ABLIM1: variants seen among roughly 807,000 people sequenced by gnomAD.
ABLIM1 encodes the protein actin-binding LIM protein 1.
Under a neutral mutation model 107.0 loss-of-function variants are expected in ABLIM1, and 40 were observed. The ratio of observed to expected loss-of-function variants is 0.37; its 90% CI spans 0.29 to 0.49. The LOEUF (loss-of-function observed/expected upper bound fraction) is 0.49. ABLIM1 is among the 20% of genes least tolerant of loss of function. The pLI, the probability that ABLIM1 is intolerant of heterozygous loss-of-function variation, is 0.97. For missense variants in ABLIM1, 857 were observed against 1,008.5 expected (o/e 0.85, Z 2.04); for synonymous variants, 357 against 357.3 (o/e 1.00, Z 0.01).
rs141615313 is a variant in ABLIM1, at chr10:114,563,706, C to T, written c.673+7591G>A. Among the ~76,000 whole-genome samples the T allele has an allele frequency of 6.2e-3, 933 of 150,972 alleles. 12 individuals are homozygous for T. The highest frequency in any genetic ancestry group is 0.021 in the African/African-American group (882 of 41,050). ...ACACGCAAAAAAAAAATTAGCCAGT[C>T]GTGGTGACACATGCCTGTAGTCCTG... is the stretch of plus-strand genomic sequence containing the variant. On this transcript the variant is annotated intron_variant, in intron 4 of 22. Coordinates refer to ENST00000533213, the MANE Select transcript of ABLIM1 (RefSeq NM_002313.7).
At chr10:114,564,732 A>T (rs2070406694) in intron 4 of ABLIM1, among the ~76,000 whole-genome samples, 1 of 152,166 alleles carries the variant, frequency 6.6e-6, no homozygotes, top group African/African-American at 2.4e-5. Flanking sequence ...ACCCTACATG[A>T]CTAGGAACAG....
intron 12 of ABLIM1, among the ~76,000 whole-genome samples, chr10:114,457,612 C>T (rs1291295047): frequency 6.6e-6 from 1 of 152,150 alleles, no homozygotes; most frequent in African/African-American, 2.4e-5. Context: ...CCAACCCTGG[C>T]AGGAAATAAC....
At chr10:114,473,165 T>A (rs775363739) in intron 9 of ABLIM1, 33 bp from the exon 10 acceptor site, 71 of 1,585,498 alleles carry the variant, frequency 4.5e-5, no homozygotes, top group Non-Finnish European at 5.8e-5. Flanking sequence ...ACAATTACCT[T>A]GTAGTCTGAC....
chr10:114,669,034 AC>A (rs755991775), intron 1 of ABLIM1, among the ~76,000 whole-genome samples: 9 of 152,222 alleles, frequency 5.9e-5, no homozygotes, highest in Non-Finnish European at 8.8e-5. Context: ...GCTTTCCCAA[AC>A]ATTTATGAAC....
At chr10:114,605,378 T>A (rs535014093) in intron 1 of ABLIM1, among the ~76,000 whole-genome samples, 1 of 152,342 alleles carries the variant, frequency 6.6e-6, no homozygotes, top group African/African-American at 2.4e-5. Flanking sequence ...ACTCCCCTTA[T>A]CTGCCAACTG....
chr10:114,596,470 A>C (rs892632463), intron 2 of ABLIM1, among the ~76,000 whole-genome samples: 1 of 152,152 alleles, frequency 6.6e-6, no homozygotes, highest in Non-Finnish European at 1.5e-5. Flanking sequence ...GGATCACTTG[A>C]GCTCAGGAGT....
chr10:114,761,983 GCTCTCTCTCT>G (rs144008972), intron 1 of ABLIM1, among the ~76,000 whole-genome samples: 2 of 145,618 alleles, frequency 1.4e-5, no homozygotes, highest in African/African-American at 2.6e-5. Flanking sequence ...TATCCCATAT[GCTCTCTCTCT>G]CTCTCTCTCT....
At chr10:114,485,791 A>G (rs2058101069) in intron 8 of ABLIM1, among the ~76,000 whole-genome samples, 1 of 152,192 alleles carries the variant, frequency 6.6e-6, no homozygotes, top group Non-Finnish European at 1.5e-5. Context: ...AAACATTTTC[A>G]TTTTGCTATG....
intron 4 of ABLIM1, among the ~76,000 whole-genome samples, chr10:114,558,384 A>C (rs557599208): frequency 2.0e-5 from 3 of 152,178 alleles, no homozygotes; most frequent in African/African-American, 7.2e-5. Flanking sequence ...TTGTGGACTT[A>C]ATACCAACTC....
At chr10:114,549,568 A>T (rs534557578) in intron 4 of ABLIM1, among the ~76,000 whole-genome samples, 1 of 152,048 alleles carries the variant, frequency 6.6e-6, no homozygotes, top group South Asian at 2.1e-4. Context: ...GATCTTGGAC[A>T]GTGGGTGTTC....
chr10:114,514,551 A>AT (rs995713856), intron 6 of ABLIM1, among the ~76,000 whole-genome samples: 1 of 151,536 alleles, frequency 6.6e-6, no homozygotes, highest in African/African-American at 2.4e-5. Flanking sequence ...ATTTAAAAAA[A>AT]TTTTTTTTGT....
chr10:114,645,933 GC>G (rs2078993797), intron 1 of ABLIM1, among the ~76,000 whole-genome samples: 1 of 152,132 alleles, frequency 6.6e-6, no homozygotes, highest in African/African-American at 2.4e-5. Context: ...TATTACATGG[GC>G]TCTCTTTTTA....
intron 1 of ABLIM1, chr10:114,690,660 C>CGAT: frequency 1.7e-6 from 1 of 587,208 alleles, no homozygotes. Context: ...TACAGGGCTC[C>CGAT]TGGTGGCGGC....
chr10:114,449,251 T>A (rs2061496056), intron 14 of ABLIM1, among the ~76,000 whole-genome samples: 1 of 152,210 alleles, frequency 6.6e-6, no homozygotes, highest in African/African-American at 2.4e-5. Context: ...ATTTTGCAAA[T>A]CGGCCAGGGA....
rs1434959158 is a variant in ABLIM1, at chr10:114,569,314, CTTTTTCTTTTTTT to C, written c.673+1970_673+1982del. On this transcript the variant is annotated intron_variant, in intron 4 of 22. Coordinates refer to ENST00000533213, the MANE Select transcript of ABLIM1 (RefSeq NM_002313.7). ...ATAAAAATCATAAAAGCCTCTTTTT[CTTTTTCTTTTTTT>C]TTTTTCTTTGAGATGGAGTTTTGCT... Among the ~76,000 whole-genome samples, 34 of 151,652 alleles carry C rather than the reference CTTTTTCTTTTTTT, an allele frequency of 2.2e-4. No homozygotes were observed. In the East Asian group the frequency reaches 6.4e-3, roughly 29 times the overall value.
chr10:114,661,561 T>TTC (rs1327315752), upstream of ABLIM1, among the ~76,000 whole-genome samples: 1 of 152,232 alleles, frequency 6.6e-6, no homozygotes, highest in Admixed American at 6.5e-5. Flanking sequence ...CACTGCTGCC[T>TTC]TCTGCCACAG....
At chr10:114,576,842 T>C (rs2072642210) in intron 2 of ABLIM1, among the ~76,000 whole-genome samples, 1 of 152,244 alleles carries the variant, frequency 6.6e-6, no homozygotes, top group South Asian at 2.1e-4. Context: ...CCCAAGATTA[T>C]GGCCTGAGTC....
the ABLIM1 span, among the ~76,000 whole-genome samples, chr10:114,795,105 C>T: frequency 6.6e-6 from 1 of 152,252 alleles, no homozygotes; most frequent in Middle Eastern, 3.4e-3. Flanking sequence ...CATATAATCA[C>T]ATTTTTTAAA....
At chr10:114,778,609 ACACATAC>A in the ABLIM1 span, 13 of 137,482 alleles carry the variant, frequency 9.5e-5, no homozygotes, top group African/African-American at 4.0e-4. Flanking sequence ...ACACACACAC[ACACATAC>A]ATTTTAACAA....
Sources: gnomAD v4.1 joint callset for allele counts (sites outside exome capture counted in the v4.1 genomes callset) on GRCh38, gnomAD v4.1.1 for gene constraint, MANE v1.5 for transcripts, NCBI Gene and HGNC (gene_info 2026-07-23, HGNC 2026-07-21) for gene names.